Variants in CACHD1 observed in about 807,000 individuals in gnomAD.
The protein encoded by CACHD1 is VWFA and cache domain-containing protein 1.
Under a neutral mutation model 138.7 loss-of-function variants are expected in CACHD1, and 71 were observed. The observed-to-expected ratio is 0.51, with a 90% CI of 0.42 to 0.62. The LOEUF is 0.62. CACHD1 is among the 20% of genes least tolerant of loss of function. The pLI is 0.00. For missense variants in CACHD1, 1,389 were observed against 1,625.3 expected (o/e 0.85, Z 2.50); for synonymous variants, 578 against 591.5 (o/e 0.98, Z 0.33).
At chr1:64,546,824 C>T (rs1226153609) in intron 1 of CACHD1, among the ~76,000 whole-genome samples, 5 of 152,152 alleles carry the variant, frequency 3.3e-5, no homozygotes, top group Middle Eastern at 3.4e-3. Context: ...TATAATTTTA[C>T]GTAGCAATAG....
chr1:64,663,033 A>C (rs1213900627), intron 13 of CACHD1, among the ~76,000 whole-genome samples: 6 of 152,246 alleles, frequency 3.9e-5, no homozygotes, highest in African/African-American at 1.4e-4. Flanking sequence ...GAAACACTAC[A>C]TGTATTATAA....
chr1:64,664,505 T>G lies in CACHD1; in HGVS notation c.2102T>G (p.Val701Gly). The G allele has an allele frequency of 6.2e-7, 1 of 1,614,060 alleles. No homozygotes were observed. Among genetic ancestry groups the G allele is most frequent in the South Asian group, 1.1e-5 (1 of 91,068 alleles). The stretch of plus-strand genomic sequence containing the variant: ...TCTTCCTTTGTTTCCCAGTTCTCTG[T>G]CAGAAATGAAGTAATGGCTACCAGC... ...LIANPGLKFS[V>G]RNEVMATSHV... The change falls in exon 15 of 27, where the codon GTC (valine) becomes GGC (glycine). Residue 701 changes from valine to glycine, a missense_variant. Val to Gly is a moderately radical substitution (Grantham distance 109). Around this residue, in one of 5 missense-constraint regions of CACHD1, gnomAD observed 1,000 missense variants for 1,114.7 expected, o/e 0.90. Transcript: ENST00000651257.
intron 7 of CACHD1, among the ~76,000 whole-genome samples, chr1:64,640,092 C>T (rs1648655394): frequency 1.3e-5 from 2 of 152,212 alleles, no homozygotes; most frequent in African/African-American, 4.8e-5. Flanking sequence ...GCAGAAGCCA[C>T]AGTCTTTTTG....
chr1:64,662,399 C>A (rs1394918920), intron 13 of CACHD1, among the ~76,000 whole-genome samples: 6 of 152,184 alleles, frequency 3.9e-5, no homozygotes, highest in Admixed American at 2.6e-4. Context: ...GTTTCCAACA[C>A]CCCACCTGCT....
At chr1:64,561,907 T>C (rs1646843136) in intron 2 of CACHD1, among the ~76,000 whole-genome samples, 2 of 122,724 alleles carry the variant, frequency 1.6e-5, no homozygotes, top group South Asian at 6.8e-4. Context: ...TTAAAAGATA[T>C]TTTTGCTTTA....
At chr1:64,588,867 ATTC>A (rs1647074475) in intron 3 of CACHD1, among the ~76,000 whole-genome samples, 2 of 152,132 alleles carry the variant, frequency 1.3e-5, no homozygotes, top group South Asian at 4.1e-4. Flanking sequence ...TTAGATTTTT[ATTC>A]TTTTTTGTGT....
At chr1:64,548,246 C>T (rs1646732820) in intron 1 of CACHD1, among the ~76,000 whole-genome samples, 1 of 152,134 alleles carries the variant, frequency 6.6e-6, no homozygotes, top group Non-Finnish European at 1.5e-5. Flanking sequence ...TAGTTCATGC[C>T]TCCTTCATCA....
At chr1:64,484,949 A>G (rs1385823936) in intron 1 of CACHD1, among the ~76,000 whole-genome samples, 1 of 152,188 alleles carries the variant, frequency 6.6e-6, no homozygotes, top group Non-Finnish European at 1.5e-5. Flanking sequence ...GAGTGTACAA[A>G]TATCTGTTTG....
intron 5 of CACHD1, among the ~76,000 whole-genome samples, chr1:64,630,961 A>G (rs192853233): frequency 2.0e-5 from 3 of 152,102 alleles, no homozygotes; most frequent in African/African-American, 7.2e-5. Flanking sequence ...TGCGATTCAC[A>G]TTTCTTGTCC....
intron 7 of CACHD1, among the ~76,000 whole-genome samples, chr1:64,637,965 T>C (rs764888286): frequency 6.6e-6 from 1 of 152,164 alleles, no homozygotes; most frequent in Non-Finnish European, 1.5e-5. Flanking sequence ...TGTTTTATTT[T>C]CTCCAGACCT....
rs1425237343 is a variant in CACHD1 at position 64,586,162 on chromosome 1, C to T, written c.410+3858C>T. ...CACTTCAGCCTCCATCTACCAGGCT[C>T]AAGCGCTTCTCACGCCTCAGTCTCC... On this transcript the variant is annotated intron_variant, in intron 3 of 26. Coordinates refer to ENST00000651257, the MANE Select transcript of CACHD1 (RefSeq NM_020925.4). Among the ~76,000 whole-genome samples, 4 of 152,186 alleles carry T rather than the reference C, an allele frequency of 2.6e-5. 1 individual carries two copies. Among genetic ancestry groups the T allele is most frequent in the East Asian group, 3.9e-4 (2 of 5,182 alleles).
In CACHD1 at chr1:64,470,461, C is replaced by A. The variant is rs559395606; in HGVS notation, c.-284C>A. 1.2e-3 allele frequency among the ~76,000 whole-genome samples: 179 copies of A among 151,564 alleles called. No homozygotes were observed. The highest frequency in any genetic ancestry group is 4.0e-3 in the African/African-American group (165 of 41,462). On this transcript the variant is annotated 5_prime_UTR_variant, in exon 1 of 27. Transcript: ENST00000651257. The surrounding 1 kb of genome is among the most constrained non-coding windows in gnomAD (Gnocchi z 5.2). ...GCGGGCGCCCCTGCTCTCGGAGACG[C>A]CCTCTGCGCCGCGGGGCCCGTGTGG...
chr1:64,548,216 T>C (rs1646732604), intron 1 of CACHD1, among the ~76,000 whole-genome samples: 1 of 152,216 alleles, frequency 6.6e-6, no homozygotes, highest in Non-Finnish European at 1.5e-5. Context: ...GGTGTTGGCT[T>C]GAGCAGGGTG....
chr1:64,606,623 A>G (rs1261724414), intron 4 of CACHD1, among the ~76,000 whole-genome samples: 4 of 152,232 alleles, frequency 2.6e-5, no homozygotes, highest in African/African-American at 9.6e-5. Context: ...TAAAAGGTTT[A>G]CTGAGCCAAG....
Position 64,634,104 on chromosome 1 carries a change from A to G in CACHD1, c.850A>G (p.Thr284Ala), listed in dbSNP as rs759717842. The G allele has an allele frequency of 6.2e-7, 1 of 1,613,248 alleles. No homozygotes were observed. Among genetic ancestry groups the G allele is most frequent in the Admixed American group, 1.7e-5 (1 of 59,904 alleles). The change falls in exon 7 of 27, where the codon ACC (threonine) becomes GCC (alanine). Residue 284 changes from threonine (T) to alanine (A), a missense_variant. Thr to Ala is a moderately conservative substitution (Grantham distance 58). Coordinates refer to ENST00000651257, the MANE Select transcript of CACHD1 (RefSeq NM_020925.4). ...RTCSLDQCYK[T>A]FLSPATSETK... ...TTGCTCACTAGACCAGTGCTATAAG[A>G]CCTTCTTGTCTCCAGCCACCAGTGA...
chr1:64,586,208 G>T (rs1001781496), intron 3 of CACHD1, among the ~76,000 whole-genome samples: 5 of 152,068 alleles, frequency 3.3e-5, no homozygotes, highest in African/African-American at 4.8e-5. Context: ...GGACTACAGG[G>T]GCGTGCCACC....
chr1:64,522,969 C>T (rs189980449), intron 1 of CACHD1, among the ~76,000 whole-genome samples: 115 of 152,304 alleles, frequency 7.6e-4, no homozygotes, highest in Non-Finnish European at 1.2e-3. Flanking sequence ...GTAGACCATA[C>T]TGTGTCATAA....
At chr1:64,610,264 T>C (rs1313314893) in intron 4 of CACHD1, among the ~76,000 whole-genome samples, 1 of 152,114 alleles carries the variant, frequency 6.6e-6, no homozygotes, top group African/African-American at 2.4e-5. Context: ...AAAACTAATG[T>C]CCTGACAATT....
intron 8 of CACHD1, 78 bp downstream of exon 8, chr1:64,642,047 A>C: frequency 7.8e-7 from 1 of 1,288,678 alleles, no homozygotes; most frequent in Non-Finnish European, 1.0e-6. Context: ...AAGAAAAAGA[A>C]TCATAACAGT....
Sources: allele counts gnomAD v4.1 joint callset (sites outside exome capture counted in the v4.1 genomes callset), GRCh38; gene constraint gnomAD v4.1.1; regional missense constraint gnomAD v4.1.1; non-coding constraint Gnocchi (gnomAD v3.1); transcripts MANE v1.5; gene names NCBI Gene and HGNC (gene_info 2026-07-23, HGNC 2026-07-21).